KCNQ3: variants seen among roughly 807,000 people sequenced by gnomAD.
KCNQ3 encodes potassium voltage-gated channel subfamily KQT member 3.
Under a neutral mutation model 92.5 loss-of-function variants are expected in KCNQ3, and 30 were observed. The observed-to-expected ratio is 0.32, with a 90% CI of 0.24 to 0.44. The LOEUF is 0.44. Ranked by LOEUF, KCNQ3 falls within the 20% of genes least tolerant of loss-of-function variation. KCNQ3 has a pLI of 1.00. For synonymous variants in KCNQ3, 450 were observed against 468.8 expected (o/e 0.96, Z 0.52); for missense variants, 913 against 1,140.3 (o/e 0.80, Z 2.87).
intron 1 of KCNQ3, among the ~76,000 whole-genome samples, chr8:132,396,998 G>C (rs914950783): frequency 4.6e-5 from 7 of 151,696 alleles, no homozygotes; most frequent in African/African-American, 1.7e-4. Context: ...GAGAGAGAGA[G>C]AGATTTAAGA....
At chr8:132,414,295 A>G (rs1820733617) in intron 1 of KCNQ3, among the ~76,000 whole-genome samples, 1 of 152,186 alleles carries the variant, frequency 6.6e-6, no homozygotes, top group African/African-American at 2.4e-5. Context: ...GAGAGTCAGG[A>G]GGGAGCAGGG....
intron 3 of KCNQ3, among the ~76,000 whole-genome samples, chr8:132,182,581 G>A (rs917125348): frequency 6.6e-6 from 1 of 152,246 alleles, no homozygotes; most frequent in African/African-American, 2.4e-5. Context: ...GGATGCACCT[G>A]TCCAGCAGGG....
intron 1 of KCNQ3, 73 bp from the exon 2 acceptor site, chr8:132,186,254 G>A: frequency 9.4e-7 from 1 of 1,067,490 alleles, no homozygotes; most frequent in East Asian, 2.4e-5. Context: ...ATGGGGAAAG[G>A]TGTCTTCCAG....
chr8:132,322,125 C>T (rs1023083221), intron 1 of KCNQ3, among the ~76,000 whole-genome samples: 10 of 152,134 alleles, frequency 6.6e-5, no homozygotes, highest in African/African-American at 2.2e-4. Flanking sequence ...GTAGTGGGAG[C>T]AAGGGGCTAA....
At chr8:132,218,276 G>A (rs1479120249) in intron 1 of KCNQ3, among the ~76,000 whole-genome samples, 1 of 152,164 alleles carries the variant, frequency 6.6e-6, no homozygotes, top group African/African-American at 2.4e-5. Flanking sequence ...CCTAGCACAG[G>A]TGTAGCCCAC....
intron 1 of KCNQ3, among the ~76,000 whole-genome samples, chr8:132,263,491 C>T (rs1395479581): frequency 6.6e-6 from 1 of 152,192 alleles, no homozygotes; most frequent in African/African-American, 2.4e-5. Context: ...AAGGTTGCCT[C>T]CTGAGGCTGG....
chr8:132,158,255 T>A (rs1018815768), intron 9 of KCNQ3, among the ~76,000 whole-genome samples: 1 of 152,236 alleles, frequency 6.6e-6, no homozygotes, highest in Non-Finnish European at 1.5e-5. Context: ...ATTGGATTGA[T>A]TGAGCTCTAA....
At chr8:132,130,077 T>TTTTTTGC (rs1563762385) in intron 14 of KCNQ3, 81 bp from the exon 15 acceptor site, 2 of 1,359,014 alleles carry the variant, frequency 1.5e-6, no homozygotes, top group African/African-American at 1.9e-5. Context: ...AAATATTCTT[T>TTTTTTGC]TTTTTTGTTT....
chr8:132,422,422 A>G (rs994223711), intron 1 of KCNQ3, among the ~76,000 whole-genome samples: 2 of 152,148 alleles, frequency 1.3e-5, no homozygotes, highest in Admixed American at 6.5e-5. Flanking sequence ...CTCAAAGCAT[A>G]TGTTTTGCAT....
chr8:132,306,092 T>C (rs2130598477), intron 1 of KCNQ3, among the ~76,000 whole-genome samples: 1 of 152,266 alleles, frequency 6.6e-6, no homozygotes, highest in South Asian at 2.1e-4. Context: ...CCCAAGGCCA[T>C]GTCAATCCAT....
chr8:132,441,007 C>A (rs2130837303), intron 1 of KCNQ3, among the ~76,000 whole-genome samples: 1 of 152,316 alleles, frequency 6.6e-6, no homozygotes, highest in South Asian at 2.1e-4. Flanking sequence ...ATTCTTATCA[C>A]AGAAACTGTG....
chr8:132,176,150 C>T (rs915028498), intron 4 of KCNQ3, among the ~76,000 whole-genome samples: 1 of 152,134 alleles, frequency 6.6e-6, no homozygotes, highest in African/African-American at 2.4e-5. Context: ...GTTTTGTGTA[C>T]CACTGGTGAA....
At chr8:132,134,494 TAAGAGGAGAG>T in intron 12 of KCNQ3, 106 bp from the exon 13 acceptor site, 1 of 831,118 alleles carries the variant, frequency 1.2e-6, no homozygotes. Context: ...TTGGAATATA[TAAGAGGAGAG>T]GAGAGGAGAG....
chr8:132,447,251 T>C (rs1419720439), intron 1 of KCNQ3: 5 of 1,535,408 alleles, frequency 3.3e-6, no homozygotes, highest in Non-Finnish European at 4.4e-6. Context: ...AAGAACAAGA[T>C]TTTTAACAAG....
intron 1 of KCNQ3, among the ~76,000 whole-genome samples, chr8:132,316,004 AC>A (rs975604547): frequency 6.6e-5 from 10 of 152,300 alleles, no homozygotes; most frequent in African/African-American, 2.4e-4. Flanking sequence ...AATTTTGGAA[AC>A]TTTTATAGAA....
At chr8:132,233,770 T>G (rs778054782) in intron 1 of KCNQ3, among the ~76,000 whole-genome samples, 2 of 152,200 alleles carry the variant, frequency 1.3e-5, no homozygotes, top group Non-Finnish European at 2.9e-5. Context: ...AAAAGTTTGT[T>G]TTCATTAATA....
rs776548429 is a variant in KCNQ3 at position 132,480,313 on chromosome 8, G to C, written c.220C>G (p.Arg74Gly). 3.1e-5 allele frequency: 50 copies of C among 1,601,782 alleles called. 1 individual carries two copies. Among genetic ancestry groups the C allele is most frequent in the Non-Finnish European group, 4.0e-5 (47 of 1,175,042 alleles). The stretch of plus-strand genomic sequence containing the variant: ...GGGGTCCTCCGCTGCCCCTCGTCGC[G>C]GCCGCCGCCCTCCAGCAGCAGGGTC... ...DGTLLLEGGGRDEGQRRTPQG... is the reference protein window; with the variant it reads ...DGTLLLEGGGGDEGQRRTPQG... The change falls in exon 1 of 15, where the codon CGC (arginine) becomes GGC (glycine). Residue 74 changes from arginine (R) to glycine (G), a missense_variant. Around this residue, in one of 6 missense-constraint regions of KCNQ3, gnomAD observed 183 missense variants for 167.7 expected, o/e 1.09. Coordinates refer to ENST00000388996, the MANE Select transcript of KCNQ3 (RefSeq NM_004519.4).
chr8:132,128,335 T>G lies in KCNQ3; in HGVS notation c.*927A>C, dbSNP rs1275337019. 1 of 152,208 alleles carries G rather than the reference T, an allele frequency of 6.6e-6. No individual in the cohort carries two copies. 9.4% of individuals were successfully genotyped at this position (152,208 alleles called of 1,614,324 possible). On this transcript the variant is annotated 3_prime_UTR_variant, in exon 15 of 15. Transcript: ENST00000388996. Reference sequence around the variant, plus strand: ...GAAAATTTCTGTGTGCCTTCTTGACTTTAATTTCTATTTTAGATGGATATT... The same window carrying G: ...GAAAATTTCTGTGTGCCTTCTTGACGTTAATTTCTATTTTAGATGGATATT...
chr8:132,288,407 C>T (rs964018738), intron 1 of KCNQ3, among the ~76,000 whole-genome samples: 46 of 152,288 alleles, frequency 3.0e-4, no homozygotes, highest in African/African-American at 9.1e-4. Context: ...TCAATATTGG[C>T]TTCCTTTAGG....
Sources: gnomAD v4.1 joint callset for allele counts (sites outside exome capture counted in the v4.1 genomes callset) on GRCh38, gnomAD v4.1.1 for gene constraint, gnomAD v4.1.1 regional missense constraint, MANE v1.5 for transcripts, NCBI Gene and HGNC (gene_info 2026-07-23, HGNC 2026-07-21) for gene names.